The following SAMD12 variants were observed in gnomAD, a reference collection of about 807,000 sequenced individuals.
The protein encoded by SAMD12 is sterile alpha motif domain containing 12, also known as sterile alpha motif domain-containing protein 12.
SAMD12 carries 9 observed loss-of-function variants against 15.0 expected under a neutral mutation model. The observed-to-expected ratio is 0.60, with a 90% CI of 0.36 to 1.05. The LOEUF (loss-of-function observed/expected upper bound fraction) is 1.05. SAMD12 is among the 50% of genes least tolerant of loss of function. SAMD12 has a pLI of 0.01. For missense variants in SAMD12, 230 were observed against 234.2 expected (o/e 0.98, Z 0.12); for synonymous variants, 86 against 90.1 (o/e 0.96, Z 0.25).
chr8:118,333,055 G>A (rs1816877669), intron 4 of SAMD12, among the ~76,000 whole-genome samples: 1 of 152,184 alleles, frequency 6.6e-6, no homozygotes. Flanking sequence ...CATTAGCACA[G>A]TGCCTGAAAA....
chr8:118,154,485 C>T, the SAMD12 span, among the ~76,000 whole-genome samples: 4 of 152,180 alleles, frequency 2.6e-5, no homozygotes, highest in Non-Finnish European at 5.9e-5. Context: ...TAACGCAGAT[C>T]TCACAAAAAT....
chr8:118,223,851 G>T (rs1419729972), intron 4 of SAMD12, among the ~76,000 whole-genome samples: 1 of 152,166 alleles, frequency 6.6e-6, no homozygotes, highest in Non-Finnish European at 1.5e-5. Context: ...TTCTTGCAAG[G>T]TTGCTCATGG....
At position 118,378,248 on chromosome 8, in the gene SAMD12, A is replaced by G. The variant is rs114266606; in HGVS notation, c.*1169T>C. The G allele has an allele frequency of 2.3e-3, 498 of 213,776 alleles. 1 individual carries two copies. The highest frequency in any genetic ancestry group is 0.011 in the African/African-American group (478 of 42,632). 13.2% of individuals were successfully genotyped at this position (213,776 alleles called of 1,614,324 possible). On this transcript the variant is annotated 3_prime_UTR_variant, in exon 4 of 4. Transcript: ENST00000314727. ...AGCAGAATTACTTGATTCTTTTCAC[A>G]TTGCTGGACCTCTAGGTTGCTTGTA...
At chr8:118,401,577 T>C (rs540673888) in intron 3 of SAMD12, among the ~76,000 whole-genome samples, 11 of 151,344 alleles carry the variant, frequency 7.3e-5, no homozygotes, top group Non-Finnish European at 1.5e-4. Flanking sequence ...GGTCTCACTA[T>C]GTTTCCCTGG....
Position 118,524,249 on chromosome 8 carries a change from T to A in SAMD12, c.192+56466A>T, listed in dbSNP as rs1044942830. ...TGAGAGAGCTCTTCATGGTCACCAA[T>A]GACTCCACATTGCTGAATCCTATGG... On this transcript the variant is annotated intron_variant, in intron 2 of 3. Transcript: ENST00000314727. Among the ~76,000 whole-genome samples the A allele has an allele frequency of 5.3e-5, 8 of 152,112 alleles. No individual in the cohort carries two copies. The East Asian group carries it at 1.5e-3, about 29-fold the overall frequency.
At chr8:118,169,293 G>A in the SAMD12 span, among the ~76,000 whole-genome samples, 1 of 152,152 alleles carries the variant, frequency 6.6e-6, no homozygotes, top group Non-Finnish European at 1.5e-5. Flanking sequence ...TCCTTTCATG[G>A]AAGCTACTCT....
rs911316997 is a variant in SAMD12, at chr8:118,272,236, G to T, written c.434-74504C>A. Among the ~76,000 whole-genome samples the T allele has an allele frequency of 2.0e-5, 3 of 152,202 alleles. No individual in the cohort carries two copies. In the East Asian group the frequency reaches 5.8e-4, roughly 29 times the overall value. ...TCAACACCGCATAGAAGCTGCCAAGGCTTGGGGCTTACACCCTCTTAAGCA... is the reference window on the plus strand; with the variant it reads ...TCAACACCGCATAGAAGCTGCCAAGTCTTGGGGCTTACACCCTCTTAAGCA... On this transcript the variant is annotated intron_variant, in intron 4 of 4. Transcript: ENST00000409003.
intron 4 of SAMD12, among the ~76,000 whole-genome samples, chr8:118,305,144 CAAAAAAAAAAAAAA>C (rs56200866): frequency 2.0e-5 from 1 of 48,842 alleles, no homozygotes. Flanking sequence ...GACTCCCTGT[CAAAAAAAAAAAAAA>C]AAAAAAAAAA....
chr8:118,295,631 C>A (rs569813121), intron 4 of SAMD12: 2 of 150,868 alleles, frequency 1.3e-5, no homozygotes, highest in African/African-American at 4.9e-5. Context: ...GCAATGATAA[C>A]CCCAGCTGTC....
intron 2 of SAMD12, among the ~76,000 whole-genome samples, chr8:118,553,939 C>T (rs1365925873): frequency 1.6e-4 from 25 of 151,812 alleles, no homozygotes; most frequent in African/African-American, 4.4e-4. Context: ...AAAATGCTCA[C>T]CATCACTGGC....
chr8:118,234,835 A>G (rs190163907), intron 4 of SAMD12, among the ~76,000 whole-genome samples: 125 of 152,000 alleles, frequency 8.2e-4, no homozygotes, highest in African/African-American at 2.9e-3. Flanking sequence ...AATTATTTCT[A>G]TAAAATGAAA....
intron 1 of SAMD12, among the ~76,000 whole-genome samples, chr8:118,599,024 A>G (rs1199688806): frequency 6.6e-6 from 1 of 152,230 alleles, no homozygotes; most frequent in African/African-American, 2.4e-5. Flanking sequence ...CTAAAGTGTT[A>G]GCAAAGAAAA....
chr8:118,316,816 GTTTTTTTTT>G (rs35418863), intron 4 of SAMD12, among the ~76,000 whole-genome samples: 1 of 117,926 alleles, frequency 8.5e-6, no homozygotes, highest in African/African-American at 3.6e-5. Context: ...TTAAAAAAAA[GTTTTTTTTT>G]TTTTTTTTTT....
chr8:118,591,652 A>G (rs184832923), intron 1 of SAMD12, among the ~76,000 whole-genome samples: 1 of 152,328 alleles, frequency 6.6e-6, no homozygotes, highest in African/African-American at 2.4e-5. Flanking sequence ...AAAACAAACT[A>G]AAGTATAATT....
chr8:118,347,983 T>TG (rs1817752194), intron 4 of SAMD12, among the ~76,000 whole-genome samples: 1 of 152,204 alleles, frequency 6.6e-6, no homozygotes, highest in Non-Finnish European at 1.5e-5. Context: ...TATAGCAAGC[T>TG]CCTTAACCTT....
chr8:118,326,662 C>G (rs1816577955), intron 4 of SAMD12, among the ~76,000 whole-genome samples: 1 of 152,134 alleles, frequency 6.6e-6, no homozygotes, highest in Non-Finnish European at 1.5e-5. Flanking sequence ...GGGTTTTATC[C>G]TGAGTATCAA....
At chr8:118,410,744 G>A (rs1439464702) in intron 3 of SAMD12, among the ~76,000 whole-genome samples, 1 of 152,184 alleles carries the variant, frequency 6.6e-6, no homozygotes, top group African/African-American at 2.4e-5. Context: ...AGGTTCAGAA[G>A]AATCACTCAG....
At chr8:118,215,188 G>A (rs1468154851) in intron 4 of SAMD12, among the ~76,000 whole-genome samples, 1 of 152,100 alleles carries the variant, frequency 6.6e-6, no homozygotes, top group African/African-American at 2.4e-5. Flanking sequence ...GACAAATCCA[G>A]CCCACTCCTG....
chr8:118,344,329 TGTGTC>T (rs1249758805), intron 4 of SAMD12, among the ~76,000 whole-genome samples: 2 of 152,200 alleles, frequency 1.3e-5, no homozygotes, highest in African/African-American at 4.8e-5. Flanking sequence ...CACAAAGGCT[TGTGTC>T]GTAGGCCAAC....
Sources: allele counts gnomAD v4.1 joint callset (sites outside exome capture counted in the v4.1 genomes callset), GRCh38; gene constraint gnomAD v4.1.1; transcripts MANE v1.5; gene names NCBI Gene and HGNC (gene_info 2026-07-23, HGNC 2026-07-21).